Variants in HECTD2 observed in about 807,000 individuals in gnomAD.
The protein encoded by HECTD2 is probable E3 ubiquitin-protein ligase HECTD2.
A neutral mutation model predicts 103.2 loss-of-function variants in HECTD2; 35 were observed. The observed-to-expected ratio is 0.34, with a 90% CI of 0.26 to 0.45. The LOEUF (loss-of-function observed/expected upper bound fraction) is 0.45, where lower values mean the gene tolerates loss of function less well. Ranked by LOEUF, HECTD2 falls within the 20% of genes least tolerant of loss-of-function variation. HECTD2 has a pLI of 1.00. For synonymous variants in HECTD2, 281 were observed against 329.9 expected, an observed-to-expected ratio of 0.85 and a Z score of 1.61; for missense variants, 596 against 937.4, an observed-to-expected ratio of 0.64 and a Z score of 4.76.
intron 5 of HECTD2, among the ~76,000 whole-genome samples, chr10:91,470,113 A>G (rs1450537813): frequency 6.6e-6 from 1 of 152,230 alleles, no homozygotes; most frequent in Non-Finnish European, 1.5e-5. Context: ...TAACCACACA[A>G]TAATAGTGGG....
chr10:91,437,981 T>G (rs1258544592), intron 2 of HECTD2, among the ~76,000 whole-genome samples: 3 of 152,072 alleles, frequency 2.0e-5, no homozygotes, highest in African/African-American at 7.2e-5. Context: ...TAGAGCATAA[T>G]TATATTAAGC....
chr10:91,430,703 T>C (rs1017866832), intron 2 of HECTD2, among the ~76,000 whole-genome samples: 4 of 151,966 alleles, frequency 2.6e-5, no homozygotes, highest in African/African-American at 7.2e-5. Flanking sequence ...GATTGCAACC[T>C]CTGCCTTTTT....
At chr10:91,427,506 G>C (rs1461487732) in intron 2 of HECTD2, among the ~76,000 whole-genome samples, 4 of 152,096 alleles carry the variant, frequency 2.6e-5, no homozygotes, top group South Asian at 2.1e-4. Flanking sequence ...ATCCTCTCCA[G>C]CACCTGTTGT....
intron 1 of HECTD2, among the ~76,000 whole-genome samples, chr10:91,416,512 G>C (rs940906755): frequency 1.3e-5 from 2 of 152,190 alleles, no homozygotes; most frequent in Non-Finnish European, 2.9e-5. Context: ...TGTGTATCAT[G>C]TGAGCAATAG....
At chr10:91,430,810 T>C (rs921154791) in intron 2 of HECTD2, among the ~76,000 whole-genome samples, 1 of 152,010 alleles carries the variant, frequency 6.6e-6, no homozygotes, top group Admixed American at 6.5e-5. Flanking sequence ...TACAGTACAC[T>C]GATGGGTCTT....
At chr10:91,467,120 A>C (rs898843437) in intron 5 of HECTD2, among the ~76,000 whole-genome samples, 7 of 152,250 alleles carry the variant, frequency 4.6e-5, no homozygotes, top group Admixed American at 4.6e-4. Context: ...AATGGGATTC[A>C]TTCATGACCC....
chr10:91,427,832 T>C (rs1186788351), intron 2 of HECTD2, among the ~76,000 whole-genome samples: 1 of 152,170 alleles, frequency 6.6e-6, no homozygotes, highest in African/African-American at 2.4e-5. Context: ...AGGTTGCCTG[T>C]TCACTCTGAT....
chr10:91,499,265 C>G, intron 18 of HECTD2, 115 bp downstream of exon 18: 5 of 625,810 alleles, frequency 8.0e-6, no homozygotes, highest in East Asian at 3.0e-5. Flanking sequence ...ATATTTTCTA[C>G]TTTTTAAAAG....
At chr10:91,412,622 T>G (rs1193470338) in intron 1 of HECTD2, among the ~76,000 whole-genome samples, 1 of 151,076 alleles carries the variant, frequency 6.6e-6, no homozygotes, top group Non-Finnish European at 1.5e-5. Context: ...CATTGATTAT[T>G]TATTTTTTAA....
intron 1 of HECTD2, among the ~76,000 whole-genome samples, chr10:91,421,895 A>G (rs902766631): frequency 1.3e-5 from 2 of 152,166 alleles, no homozygotes; most frequent in African/African-American, 4.8e-5. Context: ...CATTTTCATT[A>G]TGCTTCAGAC....
At chr10:91,491,401 C>A in intron 12 of HECTD2, 94 bp downstream of exon 12, 2 of 591,184 alleles carry the variant, frequency 3.4e-6, no homozygotes, top group Non-Finnish European at 5.8e-6. Context: ...TTTCTGTATG[C>A]CAATAAGTGT....
intron 20 of HECTD2, among the ~76,000 whole-genome samples, chr10:91,504,421 G>C (rs1847055497): frequency 6.6e-6 from 1 of 151,832 alleles, no homozygotes; most frequent in African/African-American, 2.4e-5. Flanking sequence ...CCAATACAGA[G>C]AAGTGCTTAA....
At chr10:91,456,842 G>A (rs1386056915) in intron 2 of HECTD2, among the ~76,000 whole-genome samples, 2 of 151,942 alleles carry the variant, frequency 1.3e-5, no homozygotes, top group Non-Finnish European at 1.5e-5. Context: ...GCAGGAAGGA[G>A]GAAATATAAA....
intron 2 of HECTD2, among the ~76,000 whole-genome samples, chr10:91,445,561 C>T (rs1453733052): frequency 6.6e-6 from 1 of 152,096 alleles, no homozygotes; most frequent in Admixed American, 6.6e-5. Flanking sequence ...TCAGTTTAGA[C>T]ATTATACAAT....
intron 5 of HECTD2, among the ~76,000 whole-genome samples, chr10:91,476,488 G>A (rs1042567844): frequency 2.0e-5 from 3 of 152,160 alleles, no homozygotes; most frequent in Admixed American, 2.0e-4. Flanking sequence ...TGAAGACATT[G>A]AGCCAGACTA....
chr10:91,417,562 GT>G (rs1177741363), intron 1 of HECTD2, among the ~76,000 whole-genome samples: 1 of 150,528 alleles, frequency 6.6e-6, no homozygotes, highest in East Asian at 2.0e-4. Flanking sequence ...TCCCTTTCCT[GT>G]GTCCATGTGT....
At chr10:91,414,515 C>T (rs1843043864) in intron 1 of HECTD2, among the ~76,000 whole-genome samples, 1 of 152,190 alleles carries the variant, frequency 6.6e-6, no homozygotes, top group South Asian at 2.1e-4. Flanking sequence ...AAAATGGTCT[C>T]TGCCTCAGGG....
intron 5 of HECTD2, among the ~76,000 whole-genome samples, chr10:91,476,606 C>T (rs550955961): frequency 4.6e-5 from 7 of 152,318 alleles, no homozygotes; most frequent in African/African-American, 1.4e-4. Flanking sequence ...CGCAGGCATC[C>T]GGGGAGGAGT....
chr10:91,461,490 A>G lies in HECTD2; in HGVS notation c.510+134A>G, dbSNP rs980728244. The stretch of plus-strand genomic sequence containing the variant: ...TATGTATTGATTTCAGAAATTATAC[A>G]ATACATACAATTATGTAATATTATA... On this transcript the variant is annotated intron_variant, in intron 4 of 20. Transcript: ENST00000298068. 6 of 430,038 alleles carry G rather than the reference A, an allele frequency of 1.4e-5. No homozygotes were observed. The East Asian group carries it at 2.5e-4, about 18-fold the overall frequency. 26.6% of individuals were successfully genotyped at this position (430,038 alleles called of 1,614,324 possible).
Sources: gnomAD v4.1 joint callset for allele counts (sites outside exome capture counted in the v4.1 genomes callset) on GRCh38, gnomAD v4.1.1 for gene constraint, MANE v1.5 for transcripts, NCBI Gene and HGNC (gene_info 2026-07-23, HGNC 2026-07-21) for gene names.